Variants in MLLT3 observed in about 807,000 individuals in gnomAD.
MLLT3 encodes the protein MLLT3 super elongation complex subunit.
Under a neutral mutation model 53.2 loss-of-function variants are expected in MLLT3, and 4 were observed. That is an observed-to-expected ratio of 0.08 (90% CI 0.04 to 0.17). The LOEUF (loss-of-function observed/expected upper bound fraction) is 0.17, where lower values mean the gene tolerates loss of function less well. Ranked by LOEUF, MLLT3 falls within the 10% of genes least tolerant of loss-of-function variation. The pLI is 1.00. For synonymous variants in MLLT3, 283 were observed against 230.6 expected (o/e 1.23, Z -2.06); for missense variants, 569 against 684.0 (o/e 0.83, Z 1.87).
Position 20,621,649 on chromosome 9 carries a change from C to G in MLLT3, c.12+596G>C. On this transcript the variant is annotated intron_variant, in intron 1 of 10. Transcript: ENST00000380338. This position sits in a 1 kb window ranked among gnomAD's most constrained non-coding sequence, Gnocchi z 7.0. ...AAATTCAGAAAGGCAGGGCGGCGGG[C>G]GGACAGCCGCCGAGCCTCGGCTCGC... 9.7e-6 allele frequency: 9 copies of G among 929,114 alleles called. No individual in the cohort carries two copies. The South Asian group carries it at 1.3e-4, about 13-fold the overall frequency. The allele number at this position is 929,114 out of a possible 1,614,324, so 57.6% of individuals were successfully genotyped here. A position where few individuals can be genotyped will look rare whatever the true frequency, so the allele number is the denominator to read the frequency against.
intron 2 of MLLT3, among the ~76,000 whole-genome samples, chr9:20,586,118 G>A (rs192608956): frequency 3.3e-5 from 5 of 152,186 alleles, no homozygotes; most frequent in African/African-American, 1.2e-4. Context: ...AGGAGTTTGC[G>A]ACCAGCCGGG....
intron 5 of MLLT3, among the ~76,000 whole-genome samples, chr9:20,393,941 TTCA>T (rs1324741507): frequency 7.9e-5 from 12 of 152,332 alleles, no homozygotes; most frequent in Non-Finnish European, 1.3e-4. Flanking sequence ...TTAAAAGTAC[TTCA>T]TCATTGATAA....
Position 20,616,148 on chromosome 9 carries a change from A to T in MLLT3, c.193+4506T>A, listed in dbSNP as rs572876951. ...ATAAGTATGAAAACAGTTGATTTAC[A>T]TTTCAACCTCAACTTATGAGGTAAT... On this transcript the variant is annotated intron_variant, in intron 2 of 10. Transcript: ENST00000380338. 5.9e-5 allele frequency among the ~76,000 whole-genome samples: 9 copies of T among 152,292 alleles called. No homozygotes were observed. The South Asian group carries it at 1.9e-3, about 32-fold the overall frequency.
At chr9:20,502,646 T>C (rs139680195) in intron 2 of MLLT3, among the ~76,000 whole-genome samples, 193 of 152,332 alleles carry the variant, frequency 1.3e-3, no homozygotes, top group African/African-American at 4.3e-3. Context: ...CTAGAGATAA[T>C]GTGTAGTATA....
chr9:20,414,772 G>A (rs565485622), intron 4 of MLLT3, among the ~76,000 whole-genome samples: 12 of 152,208 alleles, frequency 7.9e-5, no homozygotes, highest in Admixed American at 5.9e-4. Flanking sequence ...TAACTATGAC[G>A]TATCTATGAT....
At chr9:20,361,108 C>T (rs1022670586) in intron 7 of MLLT3, among the ~76,000 whole-genome samples, 4 of 152,178 alleles carry the variant, frequency 2.6e-5, no homozygotes, top group African/African-American at 9.7e-5. Context: ...TAGGGTCACA[C>T]AGGTAAAAAT....
At chr9:20,356,234 C>T (rs1052511076) in intron 8 of MLLT3, among the ~76,000 whole-genome samples, 4 of 152,126 alleles carry the variant, frequency 2.6e-5, no homozygotes, top group African/African-American at 9.7e-5. Flanking sequence ...TCTTTCCTGA[C>T]AATCATGCTT....
intron 2 of MLLT3, among the ~76,000 whole-genome samples, chr9:20,560,453 T>C (rs1819174513): frequency 6.6e-6 from 1 of 152,200 alleles, no homozygotes. Flanking sequence ...TGAGCACCCA[T>C]TATGAGCCAT....
intron 2 of MLLT3, among the ~76,000 whole-genome samples, chr9:20,545,767 C>T (rs1818770099): frequency 6.7e-6 from 1 of 150,342 alleles, no homozygotes; most frequent in East Asian, 1.9e-4. Flanking sequence ...ATGTGTAATC[C>T]CAACACTTTG....
At chr9:20,451,798 G>T (rs1194440076) in intron 3 of MLLT3, among the ~76,000 whole-genome samples, 3 of 152,120 alleles carry the variant, frequency 2.0e-5, no homozygotes, top group Admixed American at 2.0e-4. Context: ...TCTTTTCTGA[G>T]ATCAGACTGA....
chr9:20,525,522 T>TA (rs1818179331), intron 2 of MLLT3, among the ~76,000 whole-genome samples: 1 of 152,140 alleles, frequency 6.6e-6, no homozygotes, highest in Non-Finnish European at 1.5e-5. Context: ...AAAGACATCT[T>TA]AGAGTTTTTT....
chr9:20,478,637 T>C (rs1280541196), intron 2 of MLLT3, among the ~76,000 whole-genome samples: 1 of 152,166 alleles, frequency 6.6e-6, no homozygotes. Context: ...GATATAGCTA[T>C]GGCAAGGTGA....
At chr9:20,402,127 G>C (rs1191410045) in intron 5 of MLLT3, among the ~76,000 whole-genome samples, 1 of 152,200 alleles carries the variant, frequency 6.6e-6, no homozygotes, top group Non-Finnish European at 1.5e-5. Context: ...ATCAAGGTAG[G>C]TATAACAGAG....
chr9:20,497,377 G>C (rs567169030), intron 2 of MLLT3, among the ~76,000 whole-genome samples: 11 of 152,206 alleles, frequency 7.2e-5, no homozygotes, highest in Non-Finnish European at 1.5e-4. Context: ...CATCACCATA[G>C]TCAAGATAAG....
At chr9:20,530,255 G>T (rs956814764) in intron 2 of MLLT3, among the ~76,000 whole-genome samples, 1 of 152,136 alleles carries the variant, frequency 6.6e-6, no homozygotes, top group Non-Finnish European at 1.5e-5. Context: ...ACAACGGTTG[G>T]ATTTTCATTG....
chr9:20,358,914 T>G (rs1821244775), intron 8 of MLLT3, among the ~76,000 whole-genome samples: 1 of 152,004 alleles, frequency 6.6e-6, no homozygotes, highest in Non-Finnish European at 1.5e-5. Flanking sequence ...CCCAGCACTT[T>G]GTGAGGCGCA....
intron 4 of MLLT3, among the ~76,000 whole-genome samples, chr9:20,446,546 C>A (rs1482696475): frequency 6.6e-6 from 1 of 152,130 alleles, no homozygotes; most frequent in Non-Finnish European, 1.5e-5. Context: ...CGACCCTTAT[C>A]AGAAGCATGA....
At chr9:20,444,169 G>A (rs1011208739) in intron 4 of MLLT3, among the ~76,000 whole-genome samples, 1 of 152,090 alleles carries the variant, frequency 6.6e-6, no homozygotes, top group African/African-American at 2.4e-5. Context: ...AAAGTGATAA[G>A]GGAATAGAGA....
rs557320111 is a variant in MLLT3 at position 20,365,595 on chromosome 9, G to A, written c.1201+74C>T. The A allele has an allele frequency of 2.9e-4, 449 of 1,528,788 alleles. 1 individual carries two copies. The South Asian group carries it at 4.2e-3, about 14-fold the overall frequency. The allele number at this position is 1,528,788 out of a possible 1,614,324, so 94.7% of individuals were successfully genotyped here. A position where few individuals can be genotyped will look rare whatever the true frequency, so the allele number is the denominator to read the frequency against. On this transcript the variant is annotated intron_variant, in intron 6 of 10. Transcript: ENST00000380338. ...GATCTCCTGACCTCTTGATCCACCC[G>A]TGTCAGCCTCCCAAAGTGCCATTAA...
Sources: allele counts gnomAD v4.1 joint callset (sites outside exome capture counted in the v4.1 genomes callset), GRCh38; gene constraint gnomAD v4.1.1; non-coding constraint Gnocchi (gnomAD v3.1); transcripts MANE v1.5; gene names NCBI Gene and HGNC (gene_info 2026-07-23, HGNC 2026-07-21).